The following MTUS1 variants were observed in gnomAD, a reference collection of about 807,000 sequenced individuals.
MTUS1 encodes the protein microtubule-associated tumor suppressor 1.
MTUS1 carries 109 observed loss-of-function variants against 120.8 expected under a neutral mutation model. The ratio of observed to expected loss-of-function variants is 0.90; its 90% confidence interval spans 0.77 to 1.06. MTUS1 has a LOEUF of 1.06. Among genes scored for constraint, MTUS1 ranks in the 50% least tolerant of loss-of-function variants. The pLI, the probability that MTUS1 is intolerant of heterozygous loss-of-function variation, is 0.00. For synonymous variants in MTUS1, 737 were observed against 550.5 expected (o/e 1.34, Z -4.74); for missense variants, 2,210 against 1,486.3 (o/e 1.49, Z -8.01).
At chr8:17,651,981 T>C (rs1018630933) in intron 12 of MTUS1, among the ~76,000 whole-genome samples, 9 of 152,224 alleles carry the variant, frequency 5.9e-5, no homozygotes, top group African/African-American at 2.2e-4. Context: ...TATAAGCTCA[T>C]CTAATGTTAT....
At position 17,754,218 on chromosome 8, in the gene MTUS1, G is replaced by T. The variant is rs773381177; in HGVS notation, c.1590C>A (p.Val530=). 1 of 1,614,054 alleles carries T rather than the reference G, an allele frequency of 6.2e-7. No homozygotes were observed. Among genetic ancestry groups the T allele is most frequent in the South Asian group, 1.1e-5 (1 of 91,072 alleles). Residue 530 remains valine, a synonymous_variant, in exon 2 of 15, where the codon GTC becomes GTA. Transcript: ENST00000693296. ...CACTGGTCTGCTGAGGTCTGGGCGTGACCTTTGATAAAGCAGCATCTTTGG... is the reference window on the plus strand; with the variant it reads ...CACTGGTCTGCTGAGGTCTGGGCGTTACCTTTGATAAAGCAGCATCTTTGG... ...LQPKDAALSK[V]TPRPQQTSAS... is the part of the protein sequence containing the mutation.
At chr8:17,682,638 G>A (rs543858026) in intron 7 of MTUS1, among the ~76,000 whole-genome samples, 4 of 152,166 alleles carry the variant, frequency 2.6e-5, no homozygotes, top group African/African-American at 9.6e-5. Context: ...ACTGTGAAAT[G>A]AGAGTTCACA....
intron 2 of MTUS1, among the ~76,000 whole-genome samples, chr8:17,747,928 C>G (rs1315905731): frequency 6.6e-6 from 1 of 152,144 alleles, no homozygotes; most frequent in Non-Finnish European, 1.5e-5. Flanking sequence ...CAAGAAAACT[C>G]TCCCTTATAA....
intron 6 of MTUS1, among the ~76,000 whole-genome samples, chr8:17,687,189 G>A (rs770804888): frequency 2.0e-5 from 3 of 152,100 alleles, no homozygotes; most frequent in African/African-American, 4.8e-5. Context: ...TCTCCGTGGC[G>A]CTGGAAACTC....
chr8:17,682,335 G>T (rs1184683879), intron 7 of MTUS1, among the ~76,000 whole-genome samples: 1 of 152,120 alleles, frequency 6.6e-6, no homozygotes, highest in Admixed American at 6.6e-5. Flanking sequence ...GGCCCACATG[G>T]TGAAACCCTG....
chr8:17,785,190 C>A (rs1179000485), intron 1 of MTUS1, among the ~76,000 whole-genome samples: 1 of 115,274 alleles, frequency 8.7e-6, no homozygotes, highest in African/African-American at 2.8e-5. Flanking sequence ...ATGGTCCCAG[C>A]CTTCAAAGAG....
At chr8:17,731,509 C>T (rs2046577807) in intron 3 of MTUS1, among the ~76,000 whole-genome samples, 1 of 151,976 alleles carries the variant, frequency 6.6e-6, no homozygotes, top group Non-Finnish European at 1.5e-5. Flanking sequence ...AATTGGATTA[C>T]AACGCAAAGG....
chr8:17,646,169 T>G, intron 14 of MTUS1, 30 bp from the exon 15 acceptor site: 6 of 1,388,902 alleles, frequency 4.3e-6, no homozygotes, highest in Non-Finnish European at 4.9e-6. Flanking sequence ...AACCATGAGA[T>G]CTATGTAAAA....
chr8:17,654,589 T>C lies in MTUS1; in HGVS notation c.3186A>G (p.Leu1062=), dbSNP rs1345063707. 9.3e-6 allele frequency: 15 copies of C among 1,613,870 alleles called. No homozygotes were observed. The highest frequency in any genetic ancestry group is 1.3e-5 in the Non-Finnish European group (15 of 1,179,694). The change falls in exon 10 of 15, where the codon CTA becomes CTG. Residue 1062 remains leucine, a synonymous_variant. Transcript: ENST00000693296. ...EASHSEKLEL[L]KKAYEASLSE... is the part of the protein sequence containing the mutation. ...AAAGGGAGGCTTCATAGGCCTTCTTTAGCAATTCAAGTTTCTCTGAGTGGC... is the reference window on the plus strand; with the variant it reads ...AAAGGGAGGCTTCATAGGCCTTCTTCAGCAATTCAAGTTTCTCTGAGTGGC...
intron 3 of MTUS1, among the ~76,000 whole-genome samples, chr8:17,729,632 G>A (rs894444116): frequency 6.6e-6 from 1 of 152,250 alleles, no homozygotes; most frequent in African/African-American, 2.4e-5. Flanking sequence ...GTACACATGT[G>A]AATTCTTCCA....
At chr8:17,777,262 C>T (rs907123203) in intron 1 of MTUS1, among the ~76,000 whole-genome samples, 2 of 151,964 alleles carry the variant, frequency 1.3e-5, no homozygotes, top group Non-Finnish European at 2.9e-5. Context: ...CGTGGCAAAA[C>T]TCCATCTCTA....
Position 17,754,984 on chromosome 8 carries a change from T to C in MTUS1, c.824A>G (p.Tyr275Cys). Reference sequence around the variant, plus strand: ...TAGTCTTTGTTGTGATCCATCTGTGTACTCACTGGTGACCTTTCCTGAAGA... The same window carrying C: ...TAGTCTTTGTTGTGATCCATCTGTGCACTCACTGGTGACCTTTCCTGAAGA... ...ACSSGKVTSEYTDGSQQRLVG... is the reference protein window; with the variant it reads ...ACSSGKVTSECTDGSQQRLVG... Residue 275 changes from tyrosine to cysteine, a missense_variant, in exon 2 of 15, where the codon TAC (tyrosine) becomes TGC (cysteine). By Grantham distance (194) the Tyr-to-Cys change is radical. Transcript: ENST00000693296. 6.2e-7 allele frequency: 1 copy of C among 1,614,146 alleles called. No homozygotes were observed. The highest frequency in any genetic ancestry group is 8.5e-7 in the Non-Finnish European group (1 of 1,179,994).
At chr8:17,669,166 T>TTGTAC (rs1376308052) in intron 8 of MTUS1, among the ~76,000 whole-genome samples, 4 of 152,182 alleles carry the variant, frequency 2.6e-5, no homozygotes, top group Non-Finnish European at 5.9e-5. Context: ...ATCTTAAATG[T>TTGTAC]GTACAGGGTG....
chr8:17,684,311 A>G lies in MTUS1; in HGVS notation c.2838+17T>C. ...GACCTCAAGTAGAAAGGCTCTTTCT[A>G]GGATGCACCTCCTTACCTCAGACAG... On this transcript the variant is annotated intron_variant, in intron 7 of 14. Transcript: ENST00000693296. 6.2e-7 allele frequency: 1 copy of G among 1,606,246 alleles called. No homozygotes were observed. Among genetic ancestry groups the G allele is most frequent in the Non-Finnish European group, 8.5e-7 (1 of 1,172,886 alleles).
At chr8:17,675,044 G>T (rs1394138202) in intron 8 of MTUS1, 142 bp downstream of exon 8, 1 of 1,464,468 alleles carries the variant, frequency 6.8e-7, no homozygotes, top group Admixed American at 2.4e-5. Context: ...AATGTCGATA[G>T]TAAGTGTTTG....
intron 1 of MTUS1, among the ~76,000 whole-genome samples, chr8:17,792,580 A>C (rs2051883801): frequency 6.6e-6 from 1 of 152,232 alleles, no homozygotes; most frequent in African/African-American, 2.4e-5. Flanking sequence ...GCAACATCAG[A>C]AGGCTGGGCA....
chr8:17,717,269 C>G (rs1822519278), intron 4 of MTUS1, among the ~76,000 whole-genome samples: 1 of 152,158 alleles, frequency 6.6e-6, no homozygotes. Context: ...TTTTCCAATT[C>G]TCACCTTCCC....
At position 17,647,042 on chromosome 8, in the gene MTUS1, C is replaced by A; in HGVS notation, c.3539G>T (p.Arg1180Leu). The change falls in exon 14 of 15, where the codon CGT becomes CTT. Residue 1180 changes from arginine (R) to leucine (L), a missense_variant. Transcript: ENST00000693296. The part of the protein sequence containing the change: ...NNTALVDKLK[R>L]FQQENEELKA... ...CAATTCTTCATTCTCCTGCTGGAAA[C>A]GCTTCAATTTGTCAACCAATGCTGT... 6.2e-7 allele frequency: 1 copy of A among 1,613,948 alleles called. No homozygotes were observed.
chr8:17,769,538 G>A (rs910721581), intron 1 of MTUS1, among the ~76,000 whole-genome samples: 4 of 150,944 alleles, frequency 2.6e-5, no homozygotes, highest in Admixed American at 1.3e-4. Flanking sequence ...TAGTAGAGAC[G>A]GGATTTCACC....
Sources: gnomAD v4.1 joint callset for allele counts (sites outside exome capture counted in the v4.1 genomes callset) on GRCh38, gnomAD v4.1.1 for gene constraint, MANE v1.5 for transcripts, NCBI Gene and HGNC (gene_info 2026-07-23, HGNC 2026-07-21) for gene names.